ARSK: variants seen among roughly 807,000 people sequenced by gnomAD.
ARSK encodes arylsulfatase family member K, also known as arylsulfatase K.
ARSK carries 37 observed loss-of-function variants against 53.2 expected under a neutral mutation model. That is an observed-to-expected ratio of 0.70 (90% CI 0.54 to 0.92). The LOEUF (loss-of-function observed/expected upper bound fraction) is 0.92, where lower values mean the gene tolerates loss of function less well. Among genes scored for constraint, ARSK ranks in the 40% least tolerant of loss-of-function variants. The pLI, the probability that ARSK is intolerant of heterozygous loss-of-function variation, is 0.00. For synonymous variants in ARSK, 208 were observed against 223.2 expected (o/e 0.93, Z 0.61); for missense variants, 613 against 643.0 (o/e 0.95, Z 0.51).
intron 6 of ARSK, among the ~76,000 whole-genome samples, chr5:95,600,071 A>G (rs1749377662): frequency 6.6e-6 from 1 of 152,166 alleles, no homozygotes; most frequent in Admixed American, 6.5e-5. Flanking sequence ...CTTGAAAGCA[A>G]TTTTTAAAAG....
chr5:95,591,768 T>C (rs10053370), intron 6 of ARSK, 143 bp downstream of exon 6: 1,182 of 722,094 alleles, frequency 1.6e-3, no homozygotes, highest in Non-Finnish European at 2.5e-3. Flanking sequence ...CAACTGTGAG[T>C]CAAATCTGTA....
At chr5:95,557,969 C>T (rs1748554017) in intron 1 of ARSK, among the ~76,000 whole-genome samples, 1 of 152,098 alleles carries the variant, frequency 6.6e-6, no homozygotes, top group African/African-American at 2.4e-5. Flanking sequence ...GTAAGAATAG[C>T]AAGAAGGGTC....
intron 3 of ARSK, among the ~76,000 whole-genome samples, chr5:95,568,781 T>C (rs1464073295): frequency 6.6e-6 from 1 of 152,198 alleles, no homozygotes; most frequent in Non-Finnish European, 1.5e-5. Context: ...TGGCCTATTG[T>C]GTGCCTGGAG....
intron 4 of ARSK, 92 bp from the exon 5 acceptor site, chr5:95,586,470 T>A (rs762721865): frequency 1.1e-5 from 11 of 988,316 alleles, no homozygotes; most frequent in Non-Finnish European, 1.7e-5. Flanking sequence ...TTCTAAGTAA[T>A]TAAACATTGT....
intron 4 of ARSK, among the ~76,000 whole-genome samples, chr5:95,584,980 A>G (rs1334080478): frequency 6.6e-6 from 1 of 152,188 alleles, no homozygotes; most frequent in Non-Finnish European, 1.5e-5. Flanking sequence ...ATTGCACCCC[A>G]GCCTGGGCAA....
chr5:95,567,270 G>C (rs1030820524), intron 2 of ARSK, among the ~76,000 whole-genome samples: 2 of 152,182 alleles, frequency 1.3e-5, no homozygotes, highest in Non-Finnish European at 2.9e-5. Flanking sequence ...TCAGTAACTG[G>C]TGTTATTGGG....
At chr5:95,591,744 CT>C (rs1749221346) in intron 6 of ARSK, 119 bp downstream of exon 6, 1 of 859,622 alleles carries the variant, frequency 1.2e-6, no homozygotes, top group Admixed American at 2.2e-5. Context: ...GTTTATAACC[CT>C]GAGCAACTCA....
chr5:95,587,359 C>T (rs10075022), intron 5 of ARSK, among the ~76,000 whole-genome samples: 1 of 151,936 alleles, frequency 6.6e-6, no homozygotes, highest in Non-Finnish European at 1.5e-5. Flanking sequence ...GAAAAACCCT[C>T]GTTTAAAAAT....
chr5:95,603,003 A>T (rs900825171), intron 7 of ARSK, among the ~76,000 whole-genome samples: 48 of 151,600 alleles, frequency 3.2e-4, no homozygotes, highest in Non-Finnish European at 6.2e-4. Context: ...TTAAGAAAAG[A>T]AAAAAAAAGT....
intron 6 of ARSK, among the ~76,000 whole-genome samples, chr5:95,596,591 C>A (rs1749311784): frequency 6.6e-6 from 1 of 152,006 alleles, no homozygotes; most frequent in Non-Finnish European, 1.5e-5. Flanking sequence ...AAAAACACTT[C>A]TTGTATCAAA....
rs1273851888 is a variant in ARSK at position 95,604,152 on chromosome 5, A to G, written c.*626A>G. On this transcript the variant is annotated 3_prime_UTR_variant, in exon 8 of 8. Coordinates refer to ENST00000380009, the MANE Select transcript of ARSK (RefSeq NM_198150.3). ...ATATTGTAATAATATGTATCATAAA[A>G]TAGTTGTATGTGAGCATTTGATGGT... is the stretch of plus-strand genomic sequence containing the variant. 1.3e-5 allele frequency: 2 copies of G among 152,208 alleles called. No individual in the cohort carries two copies. Among genetic ancestry groups the G allele is most frequent in the African/African-American group, 4.8e-5 (2 of 41,462 alleles). 9.4% of individuals were successfully genotyped at this position (152,208 alleles called of 1,614,324 possible).
chr5:95,568,362 G>C (rs1205769201), intron 3 of ARSK, among the ~76,000 whole-genome samples: 2 of 151,840 alleles, frequency 1.3e-5, no homozygotes, highest in Non-Finnish European at 2.9e-5. Context: ...TTTAAAATCT[G>C]TTTTTAAAAC....
At chr5:95,568,996 C>A (rs537076941) in intron 3 of ARSK, among the ~76,000 whole-genome samples, 1 of 152,186 alleles carries the variant, frequency 6.6e-6, no homozygotes, top group Non-Finnish European at 1.5e-5. Flanking sequence ...AGACTCCAAC[C>A]GGACACTTGT....
intron 1 of ARSK, among the ~76,000 whole-genome samples, chr5:95,560,802 CTTT>C (rs70978188): frequency 1.8e-4 from 19 of 108,252 alleles, no homozygotes; most frequent in Admixed American, 2.0e-4. Flanking sequence ...GGCAAAAGAT[CTTT>C]TTTTTTTTTT....
chr5:95,583,461 T>A (rs1266863798), intron 4 of ARSK, among the ~76,000 whole-genome samples: 1 of 152,162 alleles, frequency 6.6e-6, no homozygotes, highest in African/African-American at 2.4e-5. Flanking sequence ...CTCTTAGAAA[T>A]GTAGGCAGCT....
chr5:95,584,630 T>C (rs2112434670), intron 4 of ARSK, among the ~76,000 whole-genome samples: 1 of 152,238 alleles, frequency 6.6e-6, no homozygotes, highest in South Asian at 2.1e-4. Flanking sequence ...TGAGAAAATC[T>C]TCGCAATCTA....
intron 5 of ARSK, among the ~76,000 whole-genome samples, chr5:95,587,705 G>A (rs570772463): frequency 1.3e-5 from 2 of 152,184 alleles, no homozygotes; most frequent in South Asian, 2.1e-4. Context: ...TCAGGAGTTC[G>A]AGACCAGCCT....
chr5:95,603,102 T>C (rs546241486), intron 7 of ARSK, 135 bp from the exon 8 acceptor site: 1 of 642,668 alleles, frequency 1.6e-6, no homozygotes, highest in African/African-American at 1.9e-5. Context: ...CCATTTATAC[T>C]GTCCTTCATT....
In ARSK at chr5:95,583,015, G is replaced by A. The variant is rs957917842; in HGVS notation, c.516G>A (p.Val172=). The stretch of plus-strand genomic sequence containing the variant: ...TCCGTAACAGGACTAAAGTCAGAGT[G>A]ATGGAAAGGGATTGGCAGAATACAG... ...NLIRNRTKVR[V]MERDWQNTDK... Residue 172 remains valine, a synonymous_variant, in exon 4 of 8, where the codon GTG becomes GTA. Transcript: ENST00000380009. 2.6e-5 allele frequency: 42 copies of A among 1,613,754 alleles called. No individual in the cohort carries two copies. The highest frequency in any genetic ancestry group is 3.3e-5 in the Non-Finnish European group (39 of 1,179,810).
Sources: gnomAD v4.1 joint callset for allele counts (sites outside exome capture counted in the v4.1 genomes callset) on GRCh38, gnomAD v4.1.1 for gene constraint, MANE v1.5 for transcripts, NCBI Gene and HGNC (gene_info 2026-07-23, HGNC 2026-07-21) for gene names.